RAB23: variants seen among roughly 807,000 people sequenced by gnomAD.
RAB23 encodes the protein ras-related protein Rab-23.
A neutral mutation model predicts 30.0 loss-of-function variants in RAB23; 15 were observed. That is an observed-to-expected ratio of 0.50 (90% CI 0.33 to 0.77). RAB23 has a LOEUF of 0.77. Among genes scored for constraint, RAB23 ranks in the 30% least tolerant of loss-of-function variants. The probability of loss-of-function intolerance (pLI) is 0.02; values close to 1 mark genes in which losing one functional copy is unlikely to be tolerated. For missense variants in RAB23, 243 were observed against 275.4 expected (o/e 0.88, Z 0.83); for synonymous variants, 93 against 94.0 (o/e 0.99, Z 0.06).
chr6:57,211,355 G>C (rs1334767486), intron 1 of RAB23, among the ~76,000 whole-genome samples: 1 of 152,156 alleles, frequency 6.6e-6, no homozygotes, highest in Non-Finnish European at 1.5e-5. Context: ...AGCTACACAA[G>C]AGGCTGAGGT....
chr6:57,202,629 G>C (rs1347796200), intron 3 of RAB23, among the ~76,000 whole-genome samples: 1 of 152,164 alleles, frequency 6.6e-6, no homozygotes, highest in East Asian at 1.9e-4. Context: ...ACAAAGCCAG[G>C]AGAATCAGTA....
At chr6:57,206,042 T>C (rs574863869) in intron 3 of RAB23, among the ~76,000 whole-genome samples, 20 of 152,358 alleles carry the variant, frequency 1.3e-4, no homozygotes, top group South Asian at 6.2e-4. Flanking sequence ...GGTTATGTGA[T>C]GTTAGCTTCA....
intron 3 of RAB23, among the ~76,000 whole-genome samples, 157 bp from the exon 4 acceptor site, chr6:57,196,763 C>A (rs986527505): frequency 6.6e-6 from 1 of 152,176 alleles, no homozygotes; most frequent in Non-Finnish European, 1.5e-5. Flanking sequence ...TTGTACTACT[C>A]TTCTTTACTT....
Position 57,194,798 on chromosome 6 carries a change from T to C in RAB23, c.453A>G (p.Ser151=), listed in dbSNP as rs762417794. Residue 151 remains serine (S), a synonymous_variant, in exon 5 of 7, where the codon TCA becomes TCG. Transcript: ENST00000468148. ...CATTCACATTTAGATCTTCTTTCAC[T>C]GATGTTCTGTAGAATCTTAACTTTA... ...KRLKLRFYRT[S]VKEDLNVNEV... 6.2e-7 allele frequency: 1 copy of C among 1,613,220 alleles called. No homozygotes were observed. Among genetic ancestry groups the C allele is most frequent in the Non-Finnish European group, 8.5e-7 (1 of 1,179,356 alleles).
intron 3 of RAB23, among the ~76,000 whole-genome samples, chr6:57,206,378 T>A (rs1465691424): frequency 5.3e-5 from 8 of 152,038 alleles, no homozygotes; most frequent in African/African-American, 1.9e-4. Flanking sequence ...GGTCAGGGAG[T>A]AGGAGACTAT....
At chr6:57,191,594 C>T (rs1046130898) in intron 6 of RAB23, among the ~76,000 whole-genome samples, 3 of 151,966 alleles carry the variant, frequency 2.0e-5, no homozygotes, top group East Asian at 1.9e-4. Context: ...GGACTACAGC[C>T]GCCTGCCGCC....
At chr6:57,194,623 A>G in intron 5 of RAB23, 147 bp downstream of exon 5, 1 of 616,344 alleles carries the variant, frequency 1.6e-6, no homozygotes, top group Non-Finnish European at 2.8e-6. Flanking sequence ...ACTAACAAAA[A>G]GAAGTAGAAA....
intron 3 of RAB23, among the ~76,000 whole-genome samples, chr6:57,198,056 G>C (rs1259852656): frequency 6.6e-6 from 1 of 152,062 alleles, no homozygotes; most frequent in Non-Finnish European, 1.5e-5. Context: ...GATTACAGGT[G>C]TGAGTGACTG....
intron 6 of RAB23, 42 bp downstream of exon 6, chr6:57,193,793 TTTTTAAC>T: frequency 6.3e-7 from 1 of 1,598,932 alleles, no homozygotes; most frequent in Non-Finnish European, 8.5e-7. Context: ...TTATATGTGT[TTTTTAAC>T]TTTACCAAGT....
chr6:57,221,685 C>G (rs905816106), intron 1 of RAB23, 41 bp downstream of exon 1: 7 of 152,334 alleles, frequency 4.6e-5, no homozygotes, highest in Non-Finnish European at 1.0e-4. Flanking sequence ...GCCCTCGCTC[C>G]ACCCCTCTTT....
At chr6:57,212,650 G>A (rs1035077992) in intron 1 of RAB23, among the ~76,000 whole-genome samples, 1 of 151,258 alleles carries the variant, frequency 6.6e-6, no homozygotes, top group African/African-American at 2.4e-5. Flanking sequence ...GGGAGGCTGA[G>A]GCAGGAGGAT....
intron 2 of RAB23, among the ~76,000 whole-genome samples, chr6:57,209,098 A>G (rs1169131107): frequency 6.6e-6 from 1 of 152,226 alleles, no homozygotes; most frequent in African/African-American, 2.4e-5. Context: ...AAGAAAAAGC[A>G]CAAAATGTAA....
At chr6:57,219,237 T>C (rs909278029) in intron 1 of RAB23, among the ~76,000 whole-genome samples, 3 of 152,224 alleles carry the variant, frequency 2.0e-5, no homozygotes, top group South Asian at 4.1e-4. Context: ...AGATTTACAA[T>C]AGCTCCAAAA....
At chr6:57,197,882 G>T (rs1305388269) in intron 3 of RAB23, among the ~76,000 whole-genome samples, 1 of 152,116 alleles carries the variant, frequency 6.6e-6, no homozygotes, top group Admixed American at 6.6e-5. Flanking sequence ...GGGACTTACA[G>T]GAGGAGCCTG....
rs1764632384 is a variant in RAB23, at chr6:57,187,139, C to CATT, written c.*3319_*3321dup. 6.6e-6 allele frequency: 1 copy of CATT among 152,112 alleles called. No homozygotes were observed. Among genetic ancestry groups the CATT allele is most frequent in the Non-Finnish European group, 1.5e-5 (1 of 68,004 alleles). 9.4% of individuals were successfully genotyped at this position (152,112 alleles called of 1,614,324 possible). On this transcript the variant is annotated 3_prime_UTR_variant, in exon 7 of 7. Coordinates refer to ENST00000468148, the MANE Select transcript of RAB23 (RefSeq NM_016277.5). ...GGTTTTCCATTCAAATTTACAAAAG[C>CATT]ATTATTTATTAGTAATAAAAATATA...
Position 57,194,056 on chromosome 6 carries a change from C to T in RAB23, c.482-122G>A, listed in dbSNP as rs960031542. On this transcript the variant is annotated intron_variant, in intron 5 of 6. Coordinates refer to ENST00000468148, the MANE Select transcript of RAB23 (RefSeq NM_016277.5). ...ATTTAAAGTTACAATTAGGAGCATA[C>T]AATCTAGTTAAAAATTCAACTTTTA... 3.1e-5 allele frequency: 43 copies of T among 1,395,000 alleles called. No individual in the cohort carries two copies. In the African/African-American group the frequency reaches 4.8e-4, roughly 16 times the overall value. 86.4% of individuals were successfully genotyped at this position (1,395,000 alleles called of 1,614,324 possible).
At chr6:57,213,962 A>G (rs1045506902) in intron 1 of RAB23, among the ~76,000 whole-genome samples, 8 of 151,794 alleles carry the variant, frequency 5.3e-5, no homozygotes, top group Non-Finnish European at 1.0e-4. Flanking sequence ...AGAAAAGACC[A>G]ACTGGGGAGG....
chr6:57,220,929 G>A (rs1377954059), intron 1 of RAB23, among the ~76,000 whole-genome samples: 2 of 151,740 alleles, frequency 1.3e-5, no homozygotes, highest in Non-Finnish European at 2.9e-5. Context: ...ACAGGCAGTC[G>A]GACTCTTGCT....
intron 1 of RAB23, among the ~76,000 whole-genome samples, chr6:57,214,213 T>C (rs1765755774): frequency 1.3e-5 from 2 of 152,210 alleles, no homozygotes; most frequent in East Asian, 1.9e-4. Context: ...TACTGACTCT[T>C]TGCAGTGTCA....
Sources: gnomAD v4.1 joint callset for allele counts (sites outside exome capture counted in the v4.1 genomes callset) on GRCh38, gnomAD v4.1.1 for gene constraint, MANE v1.5 for transcripts, NCBI Gene and HGNC (gene_info 2026-07-23, HGNC 2026-07-21) for gene names.